CLMN: variants seen among roughly 807,000 people sequenced by gnomAD.
CLMN encodes calmin (calponin-like, transmembrane).
In CLMN, 57 loss-of-function variants were observed where a neutral mutation model predicts 92.7. That is an observed-to-expected ratio of 0.61 (90% CI 0.50 to 0.77). CLMN has a LOEUF of 0.77. CLMN is among the 30% of genes least tolerant of loss of function. The probability of loss-of-function intolerance (pLI) is 0.00; values close to 1 mark genes in which losing one functional copy is unlikely to be tolerated. For synonymous variants in CLMN, 466 were observed against 470.6 expected, an observed-to-expected ratio of 0.99 and a Z score of 0.13; for missense variants, 1,158 against 1,237.5, an observed-to-expected ratio of 0.94 and a Z score of 0.96.
At position 95,203,236 on chromosome 14, in the gene CLMN, C is replaced by T. The variant is rs768133340; in HGVS notation, c.2113G>A (p.Glu705Lys). 1.8e-5 allele frequency: 29 copies of T among 1,613,762 alleles called. No homozygotes were observed. The highest frequency in any genetic ancestry group is 6.6e-5 in the South Asian group (6 of 91,076). Residue 705 changes from glutamate (E) to lysine (K), a missense_variant, in exon 9 of 13, where the codon GAA (glutamate) becomes AAA (lysine). By Grantham distance (56) the Glu-to-Lys change is moderately conservative. Transcript: ENST00000298912. ...GAGGGCTTGAAATCCAGGCCTTCTTCGCTGTGACTCCCAAGGGTCTCCAAG... is the reference window on the plus strand; with the variant it reads ...GAGGGCTTGAAATCCAGGCCTTCTTTGCTGTGACTCCCAAGGGTCTCCAAG... ...VSLETLGSHS[E>K]EGLDFKPSPP...
At chr14:95,226,975 T>C (rs984186999) in intron 2 of CLMN, among the ~76,000 whole-genome samples, 14 of 152,274 alleles carry the variant, frequency 9.2e-5, no homozygotes, top group African/African-American at 3.1e-4. Flanking sequence ...CTGGTCTGGG[T>C]GCTGTCTCTG....
At chr14:95,200,345 A>T (rs1896842165) in intron 9 of CLMN, among the ~76,000 whole-genome samples, 2 of 152,060 alleles carry the variant, frequency 1.3e-5, no homozygotes, top group African/African-American at 4.8e-5. Context: ...TTAGACACCG[A>T]AGGCAGGATT....
At chr14:95,286,144 T>C (rs1184055454) in intron 1 of CLMN, among the ~76,000 whole-genome samples, 2 of 152,230 alleles carry the variant, frequency 1.3e-5, no homozygotes, top group African/African-American at 4.8e-5. Flanking sequence ...AATGTGGTTA[T>C]GCTTTTTAAA....
At chr14:95,299,325 C>T (rs1018693751) in intron 1 of CLMN, among the ~76,000 whole-genome samples, 2 of 152,180 alleles carry the variant, frequency 1.3e-5, no homozygotes, top group African/African-American at 2.4e-5. Flanking sequence ...AGTGCCCAGG[C>T]CCCACTGGGT....
intron 1 of CLMN, among the ~76,000 whole-genome samples, chr14:95,292,875 G>A (rs1289267233): frequency 1.3e-5 from 2 of 152,064 alleles, no homozygotes; most frequent in Admixed American, 1.3e-4. Context: ...CTCCTCCAGG[G>A]ACATGGCTAA....
chr14:95,317,464 C>T (rs561864136), intron 1 of CLMN, among the ~76,000 whole-genome samples: 4 of 152,276 alleles, frequency 2.6e-5, no homozygotes, highest in African/African-American at 9.6e-5. Context: ...CCAAACTGCA[C>T]ACAACCCAAA....
intron 1 of CLMN, among the ~76,000 whole-genome samples, chr14:95,276,260 A>C (rs1275732357): frequency 6.6e-6 from 1 of 152,070 alleles, no homozygotes; most frequent in Non-Finnish European, 1.5e-5. Flanking sequence ...TTGGGCTGGG[A>C]CTCCTAAGAC....
intron 8 of CLMN, among the ~76,000 whole-genome samples, chr14:95,208,849 GC>G (rs1897117804): frequency 6.6e-6 from 1 of 152,180 alleles, no homozygotes; most frequent in Admixed American, 6.5e-5. Flanking sequence ...GCTCTGTCCT[GC>G]CTGGGACGTG....
chr14:95,194,563 T>A lies in CLMN; in HGVS notation c.2742A>T (p.Arg914=), dbSNP rs1896648947. The change falls in exon 11 of 13, where the codon CGA becomes CGT. Residue 914 remains arginine, a synonymous_variant. Coordinates refer to ENST00000298912, the MANE Select transcript of CLMN (RefSeq NM_024734.4). This position sits in a 1 kb window ranked among gnomAD's most constrained non-coding sequence, Gnocchi z 4.0. The part of the protein sequence containing the change: ...TSHSDSSIYL[R]RHTHRSSESD... ...ATTCCGAAGACCTATGAGTATGTCG[T>A]CGAAGGTAAATGCTGGAGTCACTGT... 1.2e-6 allele frequency: 2 copies of A among 1,614,034 alleles called. No homozygotes were observed.
chr14:95,193,444 G>C, intron 12 of CLMN: 1 of 1,395,164 alleles, frequency 7.2e-7, no homozygotes, highest in Non-Finnish European at 9.8e-7. Context: ...ATGGACAGGC[G>C]TCAGGGGCTA....
chr14:95,264,326 T>C (rs1899382103), intron 1 of CLMN, among the ~76,000 whole-genome samples: 1 of 152,168 alleles, frequency 6.6e-6, no homozygotes, highest in Non-Finnish European at 1.5e-5. Flanking sequence ...TGAGCCACTG[T>C]GCCGGACCCC....
Position 95,259,931 on chromosome 14 carries a change from T to C in CLMN, c.83-29798A>G, listed in dbSNP as rs1566900552. Among the ~76,000 whole-genome samples the C allele has an allele frequency of 6.6e-6, 1 of 152,168 alleles. No individual in the cohort carries two copies. Among genetic ancestry groups the C allele is most frequent in the Non-Finnish European group, 1.5e-5 (1 of 68,030 alleles). On this transcript the variant is annotated intron_variant, in intron 1 of 12. Transcript: ENST00000298912. The surrounding 1 kb of genome is among the most constrained non-coding windows in gnomAD (Gnocchi z 4.3). ...GGGCTCCAGGCCTTTGCACACGCTG[T>C]TCCTGCTGTCTGGCACTCTCTCCCT... is the stretch of plus-strand genomic sequence containing the variant.
chr14:95,261,701 G>A (rs969083241), intron 1 of CLMN, among the ~76,000 whole-genome samples: 20 of 152,190 alleles, frequency 1.3e-4, no homozygotes, highest in African/African-American at 3.6e-4. Flanking sequence ...AACTGCTGTC[G>A]GGAAGGATGG....
In CLMN at chr14:95,239,386, A is replaced by G. The variant is rs146571112; in HGVS notation, c.83-9253T>C. 5.0e-3 allele frequency among the ~76,000 whole-genome samples: 759 copies of G among 152,316 alleles called. 3 individuals carry two copies. The highest frequency in any genetic ancestry group is 0.017 in the African/African-American group (705 of 41,566). On this transcript the variant is annotated intron_variant, in intron 1 of 12. Coordinates refer to ENST00000298912, the MANE Select transcript of CLMN (RefSeq NM_024734.4). ...AAGGAAGAGAGGGAGGGAAGGAAGGAAAGATGGAATGGAGATAGAAAAGTA... is the reference window on the plus strand; with the variant it reads ...AAGGAAGAGAGGGAGGGAAGGAAGGGAAGATGGAATGGAGATAGAAAAGTA...
rs140791372 is a variant in CLMN, at chr14:95,203,712, G to A, written c.1637C>T (p.Thr546Ile). 1.1e-5 allele frequency: 18 copies of A among 1,614,030 alleles called. No homozygotes were observed. In the African/African-American group the frequency reaches 2.3e-4, roughly 20 times the overall value. Residue 546 changes from threonine to isoleucine, a missense_variant, in exon 9 of 13, where the codon ACT becomes ATT. Thr to Ile is a moderately conservative substitution (Grantham distance 89, BLOSUM62 -1). Transcript: ENST00000298912. ...GTCTCCCTCCTCTAAAGCTTCTACA[G>A]TCATCAGGTTAACCTTGATCTGGAA... Reference protein sequence around the residue: ...DSFQIKVNLMTVEALEEGDYF... With the variant: ...DSFQIKVNLMIVEALEEGDYF...
chr14:95,319,602 A>G (rs1901954119), intron 1 of CLMN, 109 bp downstream of exon 1: 5 of 894,702 alleles, frequency 5.6e-6, no homozygotes, highest in South Asian at 3.2e-5. Flanking sequence ...GACAGGAACA[A>G]CGAGCGGCCG....
chr14:95,209,545 G>T, intron 7 of CLMN, 68 bp from the exon 8 acceptor site: 2 of 1,224,210 alleles, frequency 1.6e-6, no homozygotes, highest in Non-Finnish European at 2.4e-6. Flanking sequence ...ATTCCCGGAT[G>T]CCTGATGGTG....
At chr14:95,285,911 T>C (rs114040471) in intron 1 of CLMN, among the ~76,000 whole-genome samples, 574 of 152,304 alleles carry the variant, frequency 3.8e-3, no homozygotes, top group African/African-American at 0.013. Context: ...AAAATCCTTC[T>C]GCACTCAGCA....
At chr14:95,207,923 G>T (rs531912167) in intron 8 of CLMN, among the ~76,000 whole-genome samples, 3 of 152,204 alleles carry the variant, frequency 2.0e-5, no homozygotes, top group Non-Finnish European at 4.4e-5. Flanking sequence ...GAAACACAGA[G>T]GGTCCAAACC....
Sources: allele counts gnomAD v4.1 joint callset (sites outside exome capture counted in the v4.1 genomes callset), GRCh38; gene constraint gnomAD v4.1.1; non-coding constraint Gnocchi (gnomAD v3.1); transcripts MANE v1.5; gene names NCBI Gene and HGNC (gene_info 2026-07-23, HGNC 2026-07-21).